EDIL3: variants seen among roughly 807,000 people sequenced by gnomAD.
EDIL3 encodes the protein EGF like and discoidin domains 3.
Under a neutral mutation model 67.4 loss-of-function variants are expected in EDIL3, and 37 were observed. The observed-to-expected ratio is 0.55, with a 90% CI of 0.42 to 0.72. EDIL3 has a LOEUF of 0.72. Ranked by LOEUF, EDIL3 falls within the 30% of genes least tolerant of loss-of-function variation. EDIL3 has a pLI of 0.00. For synonymous variants in EDIL3, 195 were observed against 196.3 expected (o/e 0.99, Z 0.05); for missense variants, 527 against 586.3 (o/e 0.90, Z 1.04).
intron 9 of EDIL3, among the ~76,000 whole-genome samples, chr5:83,984,357 T>A (rs1333143906): frequency 6.6e-6 from 1 of 152,120 alleles, no homozygotes; most frequent in Non-Finnish European, 1.5e-5. Flanking sequence ...CTCTATATCA[T>A]AGAGCAGAGA....
In EDIL3 at chr5:84,050,197, C is replaced by CAA. The variant is rs11335643; in HGVS notation, c.1137+10101_1137+10102dup. ...TGGGCGACAGAGCGAAACTCCATCT[C>CAA]AAAAAAAAAAAAAAAAAAAAAAAAA... is the stretch of plus-strand genomic sequence containing the variant. On this transcript the variant is annotated intron_variant, in intron 9 of 10. Coordinates refer to ENST00000296591, the MANE Select transcript of EDIL3 (RefSeq NM_005711.5). 4.3e-3 allele frequency among the ~76,000 whole-genome samples: 262 copies of CAA among 60,500 alleles called. 2 individuals carry two copies. Among genetic ancestry groups the CAA allele is most frequent in the East Asian group, 0.015 (31 of 2,096 alleles). 39.7% of individuals were successfully genotyped at this position (60,500 alleles called of 152,430 possible).
At chr5:84,220,352 A>C (rs528743279) in intron 3 of EDIL3, among the ~76,000 whole-genome samples, 3 of 152,196 alleles carry the variant, frequency 2.0e-5, no homozygotes, top group Non-Finnish European at 2.9e-5. Context: ...ACAGGATAAA[A>C]TAAAGGCTAT....
chr5:84,280,520 C>T (rs1745673364), intron 1 of EDIL3, among the ~76,000 whole-genome samples: 1 of 152,042 alleles, frequency 6.6e-6, no homozygotes, highest in Non-Finnish European at 1.5e-5. Flanking sequence ...TTTTTAAAAT[C>T]ACGTTTTCAT....
At chr5:84,301,580 A>C (rs1746162452) in intron 1 of EDIL3, among the ~76,000 whole-genome samples, 2 of 152,226 alleles carry the variant, frequency 1.3e-5, no homozygotes, top group South Asian at 4.1e-4. Flanking sequence ...CTTATTATAT[A>C]ATCACAATTA....
At chr5:83,963,469 TGTCTA>T in intron 9 of EDIL3, 109 bp from the exon 10 acceptor site, 2 of 1,225,624 alleles carry the variant, frequency 1.6e-6, no homozygotes, top group South Asian at 1.9e-5. Context: ...ATCAAAAATC[TGTCTA>T]GTTATTTGTA....
chr5:84,117,020 A>T lies in EDIL3; in HGVS notation c.470-10190T>A, dbSNP rs1049907162. ...TATGTAGTATCCAAGTTAAGTACTTATTTTTTTTTTTTTTTTTTTTTTTTT... is the reference window on the plus strand; with the variant it reads ...TATGTAGTATCCAAGTTAAGTACTTTTTTTTTTTTTTTTTTTTTTTTTTTT... On this transcript the variant is annotated intron_variant, in intron 5 of 10. Coordinates refer to ENST00000296591, the MANE Select transcript of EDIL3 (RefSeq NM_005711.5). Among the ~76,000 whole-genome samples the T allele has an allele frequency of 7.3e-3, 608 of 82,926 alleles. 1 individual carries two copies. The highest frequency in any genetic ancestry group is 0.01 in the Admixed American group (53 of 5,142). 54.4% of individuals were successfully genotyped at this position (82,926 alleles called of 152,430 possible). A position where few individuals can be genotyped will look rare whatever the true frequency, so the allele number is the denominator to read the frequency against.
intron 4 of EDIL3, among the ~76,000 whole-genome samples, chr5:84,176,198 A>ATAT (rs1478581402): frequency 1.3e-5 from 1 of 77,268 alleles, no homozygotes; most frequent in African/African-American, 3.7e-5. Flanking sequence ...ATATATATAT[A>ATAT]ATATATATAT....
chr5:84,352,793 TA>T (rs1393697605), intron 1 of EDIL3, among the ~76,000 whole-genome samples: 16 of 151,902 alleles, frequency 1.1e-4, no homozygotes, highest in African/African-American at 3.9e-4. Context: ...TCCATAAAAA[TA>T]AAAAATGTGA....
chr5:84,214,111 G>C (rs1327337509), intron 3 of EDIL3, among the ~76,000 whole-genome samples: 1 of 152,156 alleles, frequency 6.6e-6, no homozygotes, highest in Non-Finnish European at 1.5e-5. Flanking sequence ...AATCACTGCT[G>C]TGGTTTCCTA....
chr5:84,150,132 A>G (rs1256683167), intron 4 of EDIL3, among the ~76,000 whole-genome samples: 1 of 152,200 alleles, frequency 6.6e-6, no homozygotes, highest in Non-Finnish European at 1.5e-5. Flanking sequence ...AAAAAGGCAC[A>G]TCGTTATTAC....
chr5:83,997,397 T>C (rs763506766), intron 9 of EDIL3, among the ~76,000 whole-genome samples: 2 of 152,062 alleles, frequency 1.3e-5, no homozygotes, highest in Non-Finnish European at 2.9e-5. Context: ...TTGAGAAGAC[T>C]TGGTGAGCAA....
In EDIL3 at chr5:84,205,645, G is replaced by A. The variant is rs959723853; in HGVS notation, c.226+24210C>T. On this transcript the variant is annotated intron_variant, in intron 3 of 10. Transcript: ENST00000296591. ...TTCTTCCTGGTTTAGTCTTGGGAGAGTGTATGTGTCAAGGAATTTATCCAT... is the reference window on the plus strand; with the variant it reads ...TTCTTCCTGGTTTAGTCTTGGGAGAATGTATGTGTCAAGGAATTTATCCAT... Among the ~76,000 whole-genome samples, 6 of 152,066 alleles carry A rather than the reference G, an allele frequency of 3.9e-5. No individual in the cohort carries two copies. The South Asian group carries it at 6.2e-4, about 16-fold the overall frequency.
chr5:84,050,146 C>T (rs553220534), intron 9 of EDIL3, among the ~76,000 whole-genome samples: 6 of 132,248 alleles, frequency 4.5e-5, no homozygotes, highest in Non-Finnish European at 7.6e-5. Context: ...TGCAGTGAGT[C>T]GAGATGGCGC....
At position 83,960,664 on chromosome 5, in the gene EDIL3, T is replaced by G. The variant is rs150298835; in HGVS notation, c.1293+2541A>C. 3.8e-4 allele frequency among the ~76,000 whole-genome samples: 57 copies of G among 151,118 alleles called. 1 individual carries two copies. The East Asian group carries it at 0.011, about 28-fold the overall frequency. On this transcript the variant is annotated intron_variant, in intron 10 of 10. Coordinates refer to ENST00000296591, the MANE Select transcript of EDIL3 (RefSeq NM_005711.5). ...GCCTTAACATTCATTTGAAGGTGGA[T>G]TTCAAAAGTTTAAAATATGTATCAC... is the stretch of plus-strand genomic sequence containing the variant.
At chr5:84,198,488 A>T (rs1743761821) in intron 3 of EDIL3, among the ~76,000 whole-genome samples, 1 of 152,110 alleles carries the variant, frequency 6.6e-6, no homozygotes, top group South Asian at 2.1e-4. Flanking sequence ...ATTTATAACA[A>T]GCTTAAAAAG....
chr5:84,010,292 C>A (rs1247795813), intron 9 of EDIL3, among the ~76,000 whole-genome samples: 2 of 152,114 alleles, frequency 1.3e-5, no homozygotes, highest in Non-Finnish European at 2.9e-5. Context: ...AAAATTTTTA[C>A]TCTATAATTT....
At chr5:84,166,440 A>T (rs1748704929) in intron 4 of EDIL3, among the ~76,000 whole-genome samples, 1 of 152,200 alleles carries the variant, frequency 6.6e-6, no homozygotes. Flanking sequence ...TAGACAATAC[A>T]TTAAATGATT....
chr5:84,297,251 C>CAT (rs1746070286), intron 1 of EDIL3, among the ~76,000 whole-genome samples: 1 of 148,556 alleles, frequency 6.7e-6, no homozygotes, highest in Admixed American at 6.7e-5. Context: ...CTAAAGAGGA[C>CAT]ATATATGCGA....
chr5:84,206,924 C>G (rs535393025), intron 3 of EDIL3, among the ~76,000 whole-genome samples: 2 of 152,158 alleles, frequency 1.3e-5, no homozygotes, highest in Non-Finnish European at 2.9e-5. Flanking sequence ...CTATGACAAA[C>G]CCACAGTCAA....
Sources: gnomAD v4.1 joint callset for allele counts (sites outside exome capture counted in the v4.1 genomes callset) on GRCh38, gnomAD v4.1.1 for gene constraint, MANE v1.5 for transcripts, NCBI Gene and HGNC (gene_info 2026-07-23, HGNC 2026-07-21) for gene names.